Variants in CCZ1 observed in about 807,000 individuals in gnomAD.
The protein encoded by CCZ1 is CCZ1 vacuolar protein trafficking and biogenesis associated, also known as vacuolar fusion protein CCZ1 homolog.
CCZ1 carries 19 observed loss-of-function variants against 57.8 expected under a neutral mutation model. The observed-to-expected ratio is 0.33, with a 90% CI of 0.23 to 0.48. CCZ1 has a LOEUF of 0.48. Ranked by LOEUF, CCZ1 falls within the 20% of genes least tolerant of loss-of-function variation. The pLI is 0.99. For synonymous variants in CCZ1, 81 were observed against 167.0 expected, an observed-to-expected ratio of 0.49 and a Z score of 3.97; for missense variants, 200 against 492.0, an observed-to-expected ratio of 0.41 and a Z score of 5.61.
chr7:5,914,656 C>A (rs1380200360), intron 10 of CCZ1, among the ~76,000 whole-genome samples: 1 of 127,886 alleles, frequency 7.8e-6, no homozygotes, highest in Non-Finnish European at 1.6e-5. Context: ...GGGCGGATCA[C>A]CTGAGGTCTG....
intron 7 of CCZ1, among the ~76,000 whole-genome samples, chr7:5,907,961 G>C (rs1399734553): frequency 7.0e-6 from 1 of 142,928 alleles, no homozygotes; most frequent in East Asian, 2.4e-4. Flanking sequence ...AAATAGCTGG[G>C]CATTGTGGTG....
Position 5,902,720 on chromosome 7 carries a change from A to T in CCZ1, c.498A>T (p.Glu166Asp). Residue 166 changes from glutamate to aspartate, a missense_variant, in exon 6 of 15, where the codon GAA becomes GAT. Physicochemically the swap from Glu to Asp is conservative, Grantham distance 45. Around this residue, in one of 5 missense-constraint regions of CCZ1, gnomAD observed 128 missense variants for 178.4 expected, o/e 0.72. Coordinates refer to ENST00000325974, the MANE Select transcript of CCZ1 (RefSeq NM_015622.6). ...MEDGGVKLLK[E>D]RLEKFFHRYL... Reference sequence around the variant, plus strand: ...ACGGAGGCGTCAAGCTTCTGAAAGAAAGATTAGAGAAATTCTTCCATCGGG... The same window carrying T: ...ACGGAGGCGTCAAGCTTCTGAAAGATAGATTAGAGAAATTCTTCCATCGGG... 1 of 1,593,754 alleles carries T rather than the reference A, an allele frequency of 6.3e-7. No individual in the cohort carries two copies. Among genetic ancestry groups the T allele is most frequent in the East Asian group, 2.5e-5 (1 of 40,418 alleles).
At chr7:5,904,303 C>G (rs902864659) in intron 6 of CCZ1, among the ~76,000 whole-genome samples, 2 of 141,790 alleles carry the variant, frequency 1.4e-5, no homozygotes, top group Admixed American at 6.8e-5. Flanking sequence ...CGAGGCTGGT[C>G]TCAAACTCCT....
Position 5,901,435 on chromosome 7 carries a change from A to G in CCZ1, c.391-222A>G, listed in dbSNP as rs1185620861. 9.3e-4 allele frequency: 633 copies of G among 684,294 alleles called. 12 individuals are homozygous for G. The highest frequency in any genetic ancestry group is 1.1e-3 in the Admixed American group (31 of 27,022). 42.4% of individuals were successfully genotyped at this position (684,294 alleles called of 1,614,324 possible). ...GGGACGCAAATGTTGCAGTGAGCCAAGATTGTACCACTGCGCTCCAGCCTG... is the reference window on the plus strand; with the variant it reads ...GGGACGCAAATGTTGCAGTGAGCCAGGATTGTACCACTGCGCTCCAGCCTG... On this transcript the variant is annotated intron_variant, in intron 4 of 14. Coordinates refer to ENST00000325974, the MANE Select transcript of CCZ1 (RefSeq NM_015622.6).
intron 7 of CCZ1, among the ~76,000 whole-genome samples, chr7:5,907,244 A>G (rs1213814511): frequency 1.3e-5 from 2 of 149,576 alleles, no homozygotes; most frequent in African/African-American, 4.9e-5. Context: ...TGTGATATGT[A>G]CACAATGTTA....
intron 6 of CCZ1, 115 bp downstream of exon 6, chr7:5,902,859 A>G (rs147427745): frequency 0.17 from 217,774 of 1,301,556 alleles, 21,715 homozygotes; most frequent in Admixed American, 0.34. Context: ...TGAAAGTGGC[A>G]AAGAGCCTGA....
At chr7:5,915,476 CAT>C (rs1401312687) in intron 10 of CCZ1, among the ~76,000 whole-genome samples, 1 of 137,814 alleles carries the variant, frequency 7.3e-6, no homozygotes, top group Non-Finnish European at 1.6e-5. Context: ...AATCTACAGA[CAT>C]ATTGTGGGGT....
Position 5,900,570 on chromosome 7 carries a change from T to C in CCZ1, c.312+4T>C. On this transcript the variant is annotated splice_donor_region_variant and intron_variant, in intron 3 of 14. Transcript: ENST00000325974. ...AGAAAATTTCTGGATGGTCATGGTATTTACATACACAGTGTATCTTTCTGA... is the reference window on the plus strand; with the variant it reads ...AGAAAATTTCTGGATGGTCATGGTACTTACATACACAGTGTATCTTTCTGA... The C allele has an allele frequency of 6.2e-7, 1 of 1,601,180 alleles. No individual in the cohort carries two copies. Among genetic ancestry groups the C allele is most frequent in the East Asian group, 2.4e-5 (1 of 42,054 alleles).
Position 5,902,982 on chromosome 7 carries a change from A to G in CCZ1, c.522+238A>G, listed in dbSNP as rs557619418. ...CTTCCTGCGTTTGCCCGGGGCTCTT[A>G]AAGGGTCCTGGAGACATCGTTTGGC... On this transcript the variant is annotated intron_variant, in intron 6 of 14. Transcript: ENST00000325974. 1.4e-3 allele frequency among the ~76,000 whole-genome samples: 208 copies of G among 148,384 alleles called. 6 individuals carry two copies. The highest frequency in any genetic ancestry group is 2.5e-3 in the Non-Finnish European group (172 of 67,614).
chr7:5,899,330 G>GGGGTGGGTGTGT (rs1554281002), intron 1 of CCZ1, among the ~76,000 whole-genome samples: 3 of 48,012 alleles, frequency 6.2e-5, no homozygotes, highest in African/African-American at 5.6e-4. Context: ...AATTTCGGGA[G>GGGGTGGGTGTGT]GGGGGTGTGT....
intron 8 of CCZ1, 93 bp from the exon 9 acceptor site, chr7:5,911,768 A>T (rs947013388): frequency 1.1e-6 from 1 of 943,730 alleles, no homozygotes; most frequent in Non-Finnish European, 1.6e-6. Flanking sequence ...GACAAATGGC[A>T]TGGAACCAAT....
chr7:5,913,019 A>AG, intron 10 of CCZ1, 65 bp downstream of exon 10: 1 of 1,578,982 alleles, frequency 6.3e-7, no homozygotes, highest in Non-Finnish European at 8.6e-7. Context: ...GCATGTGTAC[A>AG]CGAGTGCATG....
Position 5,904,275 on chromosome 7 carries a change from G to A in CCZ1, c.523-819G>A, listed in dbSNP as rs1204976529. ...CTAATGTTGTAATTTTATTAGAGACGGGGTTTTGTCATGTTGGCGAGGCTG... is the reference window on the plus strand; with the variant it reads ...CTAATGTTGTAATTTTATTAGAGACAGGGTTTTGTCATGTTGGCGAGGCTG... On this transcript the variant is annotated intron_variant, in intron 6 of 14. Coordinates refer to ENST00000325974, the MANE Select transcript of CCZ1 (RefSeq NM_015622.6). Among the ~76,000 whole-genome samples, 8 of 139,722 alleles carry A rather than the reference G, an allele frequency of 5.7e-5. 1 individual carries two copies. The highest frequency in any genetic ancestry group is 3.8e-3 in the Middle Eastern group (1 of 264). 91.7% of individuals were successfully genotyped at this position (139,722 alleles called of 152,430 possible). A position where few individuals can be genotyped will look rare whatever the true frequency, so the allele number is the denominator to read the frequency against.
Position 5,900,823 on chromosome 7 carries a change from A to G in CCZ1, c.313-32A>G, listed in dbSNP as rs955065868. 5.5e-6 allele frequency: 7 copies of G among 1,265,020 alleles called. No homozygotes were observed. In the Admixed American group the frequency reaches 8.3e-5, roughly 15 times the overall value. 78.4% of individuals were successfully genotyped at this position (1,265,020 alleles called of 1,614,324 possible). On this transcript the variant is annotated intron_variant, in intron 3 of 14. Coordinates refer to ENST00000325974, the MANE Select transcript of CCZ1 (RefSeq NM_015622.6). ...AAAATAAACATGGTCTAATGAATTC[A>G]TTGTATAATTTCAGTTTATCAAACT... is the stretch of plus-strand genomic sequence containing the variant.
rs1781954216 is a variant in CCZ1 at position 5,910,722 on chromosome 7, A to AT, written c.780+609dup. 8.2e-5 allele frequency among the ~76,000 whole-genome samples: 7 copies of AT among 85,864 alleles called. 1 individual carries two copies. Among genetic ancestry groups the AT allele is most frequent in the Non-Finnish European group, 1.7e-4 (7 of 41,690 alleles). 56.3% of individuals were successfully genotyped at this position (85,864 alleles called of 152,430 possible). A position where few individuals can be genotyped will look rare whatever the true frequency, so the allele number is the denominator to read the frequency against. On this transcript the variant is annotated intron_variant, in intron 8 of 14. Coordinates refer to ENST00000325974, the MANE Select transcript of CCZ1 (RefSeq NM_015622.6). ...TGTATTTTATTTTATTTATTTATTT[A>AT]TTTATTTATTTATTTATTTATTTAT...
intron 12 of CCZ1, among the ~76,000 whole-genome samples, chr7:5,920,620 C>T (rs1779221377): frequency 7.3e-6 from 1 of 137,882 alleles, no homozygotes; most frequent in Non-Finnish European, 1.6e-5. Flanking sequence ...TACAGGCGTG[C>T]ACCACCATGC....
At position 5,914,027 on chromosome 7, in the gene CCZ1, G is replaced by C. The variant is rs557265588; in HGVS notation, c.954+1073G>C. Among the ~76,000 whole-genome samples, 58 of 143,842 alleles carry C rather than the reference G, an allele frequency of 4.0e-4. 5 individuals carry two copies. Among genetic ancestry groups the C allele is most frequent in the African/African-American group, 1.3e-3 (51 of 39,100 alleles). The allele number at this position is 143,842 out of a possible 152,430, so 94.4% of individuals were successfully genotyped here. A position where few individuals can be genotyped will look rare whatever the true frequency, so the allele number is the denominator to read the frequency against. On this transcript the variant is annotated intron_variant, in intron 10 of 14. Coordinates refer to ENST00000325974, the MANE Select transcript of CCZ1 (RefSeq NM_015622.6). ...AGCCTCCATCTCTGGTCAGCCTTCTGGTTCCCTCATTGTTAAATATGGCTG... is the reference window on the plus strand; with the variant it reads ...AGCCTCCATCTCTGGTCAGCCTTCTCGTTCCCTCATTGTTAAATATGGCTG...
intron 10 of CCZ1, among the ~76,000 whole-genome samples, chr7:5,914,340 G>A (rs1779107486): frequency 6.7e-6 from 1 of 148,676 alleles, no homozygotes; most frequent in African/African-American, 2.5e-5. Flanking sequence ...GGAGGCTGAG[G>A]CAGGAGAACC....
intron 7 of CCZ1, among the ~76,000 whole-genome samples, chr7:5,908,634 C>T (rs1383910670): frequency 6.8e-6 from 1 of 147,786 alleles, no homozygotes; most frequent in Non-Finnish European, 1.5e-5. Flanking sequence ...CTCACCTTGG[C>T]TTCCCCAAGT....
Sources: allele counts gnomAD v4.1 joint callset (sites outside exome capture counted in the v4.1 genomes callset), GRCh38; gene constraint gnomAD v4.1.1; regional missense constraint gnomAD v4.1.1; transcripts MANE v1.5; gene names NCBI Gene and HGNC (gene_info 2026-07-23, HGNC 2026-07-21).